MEGF10: variants seen among roughly 807,000 people sequenced by gnomAD.
MEGF10 encodes the protein multiple EGF like domains 10.
A neutral mutation model predicts 147.5 loss-of-function variants in MEGF10; 86 were observed. The observed-to-expected ratio is 0.58, with a 90% CI of 0.49 to 0.70. The LOEUF is 0.70. MEGF10 is among the 30% of genes least tolerant of loss of function. MEGF10 has a pLI of 0.00. For synonymous variants in MEGF10, 478 were observed against 525.5 expected (o/e 0.91, Z 1.24); for missense variants, 1,329 against 1,487.3 (o/e 0.89, Z 1.75).
At chr5:127,380,191 G>T (rs1459719545) in intron 5 of MEGF10, among the ~76,000 whole-genome samples, 1 of 151,922 alleles carries the variant, frequency 6.6e-6, no homozygotes. Flanking sequence ...TGGGCACTCA[G>T]TTATGCTTAA....
intron 2 of MEGF10, among the ~76,000 whole-genome samples, chr5:127,332,159 ATAG>A (rs1472752188): frequency 2.0e-5 from 3 of 152,220 alleles, no homozygotes; most frequent in African/African-American, 7.2e-5. Context: ...CTGGGACTTT[ATAG>A]TCCCTTTTGG....
At chr5:127,344,282 G>A (rs1473226453) in intron 4 of MEGF10, among the ~76,000 whole-genome samples, 2 of 152,014 alleles carry the variant, frequency 1.3e-5, no homozygotes, top group African/African-American at 4.8e-5. Context: ...CAACAACGAA[G>A]TCATGGTTAA....
Position 127,360,138 on chromosome 5 carries a change from T to C in MEGF10, c.320-9772T>C, listed in dbSNP as rs143428986. 4.8e-3 allele frequency among the ~76,000 whole-genome samples: 735 copies of C among 152,214 alleles called. 4 individuals carry two copies. The highest frequency in any genetic ancestry group is 0.017 in the African/African-American group (697 of 41,574). ...TCTATAAATGTCAAATAGATCAAATTGATTGACAGCTTTTTTCAATTCTTC... is the reference window on the plus strand; with the variant it reads ...TCTATAAATGTCAAATAGATCAAATCGATTGACAGCTTTTTTCAATTCTTC... On this transcript the variant is annotated intron_variant, in intron 4 of 24. Coordinates refer to ENST00000503335, the MANE Select transcript of MEGF10 (RefSeq NM_001256545.2).
chr5:127,251,119 T>C, the MEGF10 span, among the ~76,000 whole-genome samples: 2 of 151,998 alleles, frequency 1.3e-5, no homozygotes, highest in African/African-American at 4.8e-5. Context: ...GGTCAAATGG[T>C]AGACAAAATA....
intron 5 of MEGF10, among the ~76,000 whole-genome samples, chr5:127,392,612 A>G (rs1763745953): frequency 6.6e-6 from 1 of 152,216 alleles, no homozygotes; most frequent in African/African-American, 2.4e-5. Context: ...ATTCCAGTCT[A>G]GCACCATGTC....
At chr5:127,275,278 G>A in the MEGF10 span, among the ~76,000 whole-genome samples, 1 of 152,204 alleles carries the variant, frequency 6.6e-6, no homozygotes, top group African/African-American at 2.4e-5. Flanking sequence ...AGTGTTTCAA[G>A]TAGAGGATTT....
intron 2 of MEGF10, 138 bp downstream of exon 2, chr5:127,331,562 C>G: frequency 1.7e-6 from 1 of 574,670 alleles, no homozygotes; most frequent in Non-Finnish European, 3.1e-6. Flanking sequence ...TTAGTCATAG[C>G]TAGCAAATTA....
At position 127,454,598 on chromosome 5, in the gene MEGF10, A is replaced by C; in HGVS notation, c.3013A>C (p.Lys1005Gln). 6.2e-7 allele frequency: 1 copy of C among 1,608,930 alleles called. No homozygotes were observed. The highest frequency in any genetic ancestry group is 8.5e-7 in the Non-Finnish European group (1 of 1,178,312). Residue 1005 changes from lysine to glutamine, a missense_variant, in exon 23 of 25, where the codon AAA becomes CAA. Physicochemically the swap from Lys to Gln is moderately conservative, Grantham distance 53. Transcript: ENST00000503335. The part of the protein sequence containing the change: ...AFGLDRSYMG[K>Q]SLKDLGKNSE... ...TGGACTTGACAGAAGCTATATGGGA[A>C]AATCCTTAAAAGGTATCATGTAAAT...
Position 127,402,553 on chromosome 5 carries a change from T to C in MEGF10, c.788T>C (p.Val263Ala), listed in dbSNP as rs766803475. 1 of 1,613,614 alleles carries C rather than the reference T, an allele frequency of 6.2e-7. No individual in the cohort carries two copies. The highest frequency in any genetic ancestry group is 1.3e-5 in the African/African-American group (1 of 74,998). Reference protein sequence around the residue: ...CSCPSGWMGTVCGQPCPEGRF... With the variant: ...CSCPSGWMGTACGQPCPEGRF... ...AAGTCTCTTTGAATGCAGGGCACAG[T>C]GTGTGGTCAGCCTTGCCCCGAGGGT... Residue 263 changes from valine (V) to alanine (A), a missense_variant, in exon 8 of 25, where the codon GTG (valine) becomes GCG (alanine). This residue lies in a region of MEGF10 where 980 missense variants were observed against 1,085.9 expected (regional missense o/e 0.90). Transcript: ENST00000503335.
chr5:127,322,725 C>T (rs1373708781), intron 1 of MEGF10, among the ~76,000 whole-genome samples: 2 of 152,150 alleles, frequency 1.3e-5, no homozygotes, highest in African/African-American at 2.4e-5. Context: ...CACATGATTA[C>T]AACAGCTGAT....
At chr5:127,401,764 T>C (rs1254583489) in intron 7 of MEGF10, among the ~76,000 whole-genome samples, 5 of 152,230 alleles carry the variant, frequency 3.3e-5, no homozygotes, top group African/African-American at 1.2e-4. Context: ...GACTTATTGG[T>C]ACAGTATCTT....
chr5:127,384,836 A>C (rs1243075619), intron 5 of MEGF10, among the ~76,000 whole-genome samples: 2 of 152,148 alleles, frequency 1.3e-5, no homozygotes, highest in Non-Finnish European at 2.9e-5. Context: ...ATGGATGGAA[A>C]AGCTTTATGA....
At chr5:127,261,762 C>T in the MEGF10 span, among the ~76,000 whole-genome samples, 6 of 152,028 alleles carry the variant, frequency 3.9e-5, no homozygotes, top group Non-Finnish European at 7.4e-5. Context: ...ACTGGCAGTT[C>T]TTATTATCTG....
intron 1 of MEGF10, among the ~76,000 whole-genome samples, chr5:127,323,676 G>C (rs1478293979): frequency 6.6e-6 from 1 of 152,182 alleles, no homozygotes; most frequent in Non-Finnish European, 1.5e-5. Context: ...AAAATTAGTG[G>C]CCTAAAGCAA....
chr5:127,448,045 CA>C (rs970397679), intron 21 of MEGF10, among the ~76,000 whole-genome samples: 1 of 152,064 alleles, frequency 6.6e-6, no homozygotes, highest in Non-Finnish European at 1.5e-5. Context: ...ATGACATTAA[CA>C]AAAACATAAA....
intron 1 of MEGF10, among the ~76,000 whole-genome samples, chr5:127,328,461 A>G (rs1761128738): frequency 6.6e-6 from 1 of 152,196 alleles, no homozygotes; most frequent in Non-Finnish European, 1.5e-5. Flanking sequence ...ATTTCTGTAT[A>G]CTGAACTTCC....
chr5:127,361,376 C>T (rs1484531711), intron 4 of MEGF10, among the ~76,000 whole-genome samples: 2 of 151,946 alleles, frequency 1.3e-5, no homozygotes, highest in Non-Finnish European at 2.9e-5. Context: ...TATCACTTCT[C>T]TCATTTCTAA....
At chr5:127,397,750 C>A (rs141457761) in intron 6 of MEGF10, among the ~76,000 whole-genome samples, 22 of 152,142 alleles carry the variant, frequency 1.4e-4, no homozygotes, top group African/African-American at 5.1e-4. Flanking sequence ...CACAATTGAA[C>A]TGGGCTGTGG....
chr5:127,300,965 C>A (rs1759740551), intron 1 of MEGF10, among the ~76,000 whole-genome samples: 1 of 152,240 alleles, frequency 6.6e-6, no homozygotes, highest in African/African-American at 2.4e-5. Flanking sequence ...ACTTTCCACC[C>A]TCCTTTCACT....
Sources: gnomAD v4.1 joint callset for allele counts (sites outside exome capture counted in the v4.1 genomes callset) on GRCh38, gnomAD v4.1.1 for gene constraint, gnomAD v4.1.1 regional missense constraint, MANE v1.5 for transcripts, NCBI Gene and HGNC (gene_info 2026-07-23, HGNC 2026-07-21) for gene names.